Variants in PLEKHA7 observed in about 807,000 individuals in gnomAD.
The protein encoded by PLEKHA7 is pleckstrin homology domain containing A7.
In PLEKHA7, 104 loss-of-function variants were observed where a neutral mutation model predicts 170.0. The ratio of observed to expected loss-of-function variants is 0.61; its 90% CI spans 0.52 to 0.72. PLEKHA7 has a LOEUF of 0.72. Among genes scored for constraint, PLEKHA7 ranks in the 30% least tolerant of loss-of-function variants. The pLI, the probability that PLEKHA7 is intolerant of heterozygous loss-of-function variation, is 0.00. For synonymous variants in PLEKHA7, 648 were observed against 660.8 expected, an observed-to-expected ratio of 0.98 and a Z score of 0.30; for missense variants, 1,615 against 1,671.7, an observed-to-expected ratio of 0.97 and a Z score of 0.59.
chr11:16,789,696 C>T lies in PLEKHA7; in HGVS notation c.3156+79G>A. ...GCCATCCCCAGGGCTGAAGGGATGG[C>T]CAGTTACTGTCCCCCTGGGAGACCC... On this transcript the variant is annotated intron_variant, in intron 22 of 26. Coordinates refer to ENST00000531066, the MANE Select transcript of PLEKHA7 (RefSeq NM_001329630.2). This position sits in a 1 kb window ranked among gnomAD's most constrained non-coding sequence, Gnocchi z 4.6. 7.7e-7 allele frequency: 1 copy of T among 1,304,880 alleles called. No individual in the cohort carries two copies. 80.8% of individuals were successfully genotyped at this position (1,304,880 alleles called of 1,614,324 possible). A position where few individuals can be genotyped will look rare whatever the true frequency, so the allele number is the denominator to read the frequency against.
intron 3 of PLEKHA7, among the ~76,000 whole-genome samples, chr11:16,936,401 C>CTAAA (rs1491555804): frequency 2.9e-5 from 2 of 68,150 alleles, no homozygotes; most frequent in Non-Finnish European, 2.9e-5. Context: ...GACTCTGTCT[C>CTAAA]AAAAAAAAAA....
At chr11:16,790,628 G>A in intron 21 of PLEKHA7, 170 bp downstream of exon 21, 1 of 618,446 alleles carries the variant, frequency 1.6e-6, no homozygotes, top group Non-Finnish European at 2.8e-6. Context: ...CAGGATGTGG[G>A]CCAGAGGAAG....
chr11:16,896,544 C>G (rs1857005764), intron 3 of PLEKHA7, among the ~76,000 whole-genome samples: 1 of 152,174 alleles, frequency 6.6e-6, no homozygotes, highest in Non-Finnish European at 1.5e-5. Flanking sequence ...TCTCCATCCC[C>G]ACAGCCACTC....
At position 16,889,415 on chromosome 11, in the gene PLEKHA7, A is replaced by AT. The variant is rs1565076248; in HGVS notation, c.222-18234_222-18233insA. On this transcript the variant is annotated intron_variant, in intron 3 of 26. Transcript: ENST00000531066. ...CTTTATTGCTCAAAAAAAAAAAAAA[A>AT]AAAAAATATATATATATATATATAT... Among the ~76,000 whole-genome samples the AT allele has an allele frequency of 3.1e-3, 357 of 116,508 alleles. 2 individuals carry two copies. Among genetic ancestry groups the AT allele is most frequent in the African/African-American group, 0.012 (326 of 27,672 alleles). The allele number at this position is 116,508 out of a possible 152,430, so 76.4% of individuals were successfully genotyped here.
chr11:16,875,331 T>A (rs1855195806), intron 3 of PLEKHA7, among the ~76,000 whole-genome samples: 1 of 151,594 alleles, frequency 6.6e-6, no homozygotes, highest in Non-Finnish European at 1.5e-5. Flanking sequence ...TTCCAGGTTA[T>A]GGGATGTTAC....
intron 3 of PLEKHA7, among the ~76,000 whole-genome samples, chr11:16,899,411 C>T (rs1329495131): frequency 2.0e-5 from 3 of 152,166 alleles, no homozygotes; most frequent in African/African-American, 7.2e-5. Context: ...GAAGGAGAAT[C>T]GCTTGAACCT....
rs1849603950 is a variant in PLEKHA7 at position 16,789,073 on chromosome 11, CT to C, written c.3357+22del. ...CACTCGGCTCCCTGTCCCTGCCCCG[CT>C]GCCTGGCCCCTCCTAACATACTGAG... On this transcript the variant is annotated intron_variant, in intron 23 of 26. Coordinates refer to ENST00000531066, the MANE Select transcript of PLEKHA7 (RefSeq NM_001329630.2). The surrounding 1 kb of genome is among the most constrained non-coding windows in gnomAD (Gnocchi z 4.6). 5.6e-6 allele frequency: 9 copies of C among 1,595,412 alleles called. No homozygotes were observed. The highest frequency in any genetic ancestry group is 5.9e-6 in the Non-Finnish European group (7 of 1,178,256).
chr11:16,826,159 A>C lies in PLEKHA7; in HGVS notation c.1304T>G (p.Val435Gly). 1 of 1,613,960 alleles carries C rather than the reference A, an allele frequency of 6.2e-7. No individual in the cohort carries two copies. Among genetic ancestry groups the C allele is most frequent in the East Asian group, 2.2e-5 (1 of 44,860 alleles). The change falls in exon 10 of 27, where the codon GTG becomes GGG. Residue 435 changes from valine to glycine, a missense_variant. Val to Gly is a moderately radical substitution (Grantham distance 109, BLOSUM62 -3). Coordinates refer to ENST00000531066, the MANE Select transcript of PLEKHA7 (RefSeq NM_001329630.2). Reference protein sequence around the residue: ...HSQRKSNLAQVEHWARAQKGD... With the variant: ...HSQRKSNLAQGEHWARAQKGD... Reference sequence around the variant, plus strand: ...TTTCTGGGCCCTTGCCCAGTGCTCCACCTGGGCCAGATTGCTCTTCCTTTG... The same window carrying C: ...TTTCTGGGCCCTTGCCCAGTGCTCCCCCTGGGCCAGATTGCTCTTCCTTTG...
At chr11:16,950,803 C>T (rs1007660908) in intron 3 of PLEKHA7, among the ~76,000 whole-genome samples, 5 of 152,220 alleles carry the variant, frequency 3.3e-5, no homozygotes, top group Non-Finnish European at 7.3e-5. Context: ...TTCAGATACC[C>T]TTGCCTAACT....
chr11:16,885,503 A>AAT (rs61673164), intron 3 of PLEKHA7, among the ~76,000 whole-genome samples: 2,617 of 151,122 alleles, frequency 0.017, 88 homozygotes, highest in African/African-American at 0.061. Context: ...TACTAAAAAA[A>AAT]ATATATATAT....
At chr11:16,916,868 A>C (rs1353686693) in intron 3 of PLEKHA7, among the ~76,000 whole-genome samples, 1 of 152,136 alleles carries the variant, frequency 6.6e-6, no homozygotes, top group Admixed American at 6.5e-5. Context: ...AGGCTGGATT[A>C]GGTCCCACAG....
In PLEKHA7 at chr11:16,849,656, G is replaced by T. The variant is rs566782318; in HGVS notation, c.696+1535C>A. ...AAACTGAAAGAGAACAGAATTCAGG[G>T]CCAAGTTCTGCCTCTGTCATCTTCC... is the stretch of plus-strand genomic sequence containing the variant. On this transcript the variant is annotated intron_variant, in intron 8 of 26. Transcript: ENST00000531066. 2.6e-5 allele frequency among the ~76,000 whole-genome samples: 4 copies of T among 152,294 alleles called. No individual in the cohort carries two copies. In the South Asian group the frequency reaches 8.3e-4, roughly 32 times the overall value.
chr11:16,817,951 T>TAG lies in PLEKHA7; in HGVS notation c.1344-631_1344-630dup, dbSNP rs1849897671. Reference sequence around the variant, plus strand: ...CCTCAGCCTGGTACTCACAGCTCGCTAGCAGCTGACCTCAACACCCACCTT... The same window carrying TAG: ...CCTCAGCCTGGTACTCACAGCTCGCTAGAGCAGCTGACCTCAACACCCACCTT... On this transcript the variant is annotated intron_variant, in intron 10 of 26. Transcript: ENST00000531066. The surrounding 1 kb of genome is among the most constrained non-coding windows in gnomAD (Gnocchi z 4.4). 6.6e-6 allele frequency among the ~76,000 whole-genome samples: 1 copy of TAG among 152,198 alleles called. No homozygotes were observed. Among genetic ancestry groups the TAG allele is most frequent in the Non-Finnish European group, 1.5e-5 (1 of 68,030 alleles).
chr11:16,924,770 C>A (rs1398910983), intron 3 of PLEKHA7, among the ~76,000 whole-genome samples: 2 of 152,180 alleles, frequency 1.3e-5, no homozygotes, highest in African/African-American at 4.8e-5. Context: ...GGCCTGCAAC[C>A]CACCAATCTC....
chr11:16,815,970 A>G (rs1462346907), intron 12 of PLEKHA7, among the ~76,000 whole-genome samples: 1 of 151,728 alleles, frequency 6.6e-6, no homozygotes, highest in Admixed American at 6.6e-5. Flanking sequence ...ATTCCCCTAC[A>G]TTTCCCTGAT....
At chr11:16,855,935 C>T in intron 4 of PLEKHA7, 21 bp from the exon 5 acceptor site, 1 of 1,582,106 alleles carries the variant, frequency 6.3e-7, no homozygotes, top group Non-Finnish European at 8.7e-7. Flanking sequence ...ACAGGGGATT[C>T]CAGTGAGTAA....
At chr11:16,964,478 A>G (rs571044890) in intron 3 of PLEKHA7, among the ~76,000 whole-genome samples, 22 of 152,300 alleles carry the variant, frequency 1.4e-4, no homozygotes, top group Non-Finnish European at 2.6e-4. Flanking sequence ...CCAATCCTTG[A>G]GCTGTACCCA....
In PLEKHA7 at chr11:16,902,882, A is replaced by G. The variant is rs550607353; in HGVS notation, c.222-31700T>C. ...AATAAACAGTCAGCAAGTGACAGTT[A>G]TTATTAACAACACCCTTATTCACAC... On this transcript the variant is annotated intron_variant, in intron 3 of 26. Coordinates refer to ENST00000531066, the MANE Select transcript of PLEKHA7 (RefSeq NM_001329630.2). Among the ~76,000 whole-genome samples, 9 of 152,356 alleles carry G rather than the reference A, an allele frequency of 5.9e-5. No homozygotes were observed. In the East Asian group the frequency reaches 1.5e-3, roughly 26 times the overall value.
intron 3 of PLEKHA7, among the ~76,000 whole-genome samples, chr11:16,982,654 C>T (rs910485379): frequency 1.3e-5 from 2 of 152,092 alleles, no homozygotes; most frequent in Non-Finnish European, 2.9e-5. Flanking sequence ...AAAACCCGTC[C>T]TCCTGTGCAG....
Sources: gnomAD v4.1 joint callset for allele counts (sites outside exome capture counted in the v4.1 genomes callset) on GRCh38, gnomAD v4.1.1 for gene constraint, Gnocchi (gnomAD v3.1) non-coding constraint, MANE v1.5 for transcripts, NCBI Gene and HGNC (gene_info 2026-07-23, HGNC 2026-07-21) for gene names.